ZNF680: variants seen among roughly 807,000 people sequenced by gnomAD.
ZNF680 encodes the protein zinc finger protein 680.
ZNF680 carries 6 observed loss-of-function variants against 12.1 expected under a neutral mutation model. That is an observed-to-expected ratio of 0.49 (90% CI 0.27 to 0.98). The LOEUF (loss-of-function observed/expected upper bound fraction) is 0.98, where lower values mean the gene tolerates loss of function less well. Among genes scored for constraint, ZNF680 ranks in the 50% least tolerant of loss-of-function variants. The probability of loss-of-function intolerance (pLI) is 0.12; values close to 1 mark genes in which losing one functional copy is unlikely to be tolerated. For synonymous variants in ZNF680, 170 were observed against 199.3 expected (o/e 0.85, Z 1.24); for missense variants, 561 against 616.3 (o/e 0.91, Z 0.95).
intron 3 of ZNF680, among the ~76,000 whole-genome samples, chr7:64,540,708 A>T (rs1001197156): frequency 3.3e-5 from 5 of 152,246 alleles, no homozygotes; most frequent in African/African-American, 1.2e-4. Context: ...ACTGATGTTT[A>T]AAAAGTACAC....
At chr7:64,542,123 T>C (rs775974278) in intron 3 of ZNF680, among the ~76,000 whole-genome samples, 86 of 152,262 alleles carry the variant, frequency 5.6e-4, no homozygotes, top group Non-Finnish European at 9.9e-4. Context: ...CAAGCCCCTG[T>C]TAAGCCAACT....
chr7:64,537,855 G>A (rs1786258050), intron 3 of ZNF680, among the ~76,000 whole-genome samples: 1 of 151,942 alleles, frequency 6.6e-6, no homozygotes, highest in Non-Finnish European at 1.5e-5. Context: ...ACGTGAACCC[G>A]GGAGGCAGAG....
At chr7:64,508,123 G>GTATATATATA in the ZNF680 span, among the ~76,000 whole-genome samples, 1,048 of 117,626 alleles carry the variant, frequency 8.9e-3, 43 homozygotes, top group South Asian at 0.046. Context: ...ATTTTAAAAT[G>GTATATATATA]TATATATATA....
intron 3 of ZNF680, among the ~76,000 whole-genome samples, chr7:64,542,531 T>A (rs2116484019): frequency 6.6e-6 from 1 of 152,212 alleles, no homozygotes; most frequent in African/African-American, 2.4e-5. Context: ...TAGCAAAATA[T>A]AAAATTAACA....
chr7:64,531,428 T>TA (rs1356753037), intron 3 of ZNF680, among the ~76,000 whole-genome samples: 16 of 151,944 alleles, frequency 1.1e-4, no homozygotes, highest in African/African-American at 3.9e-4. Flanking sequence ...ACCCCGTCCC[T>TA]ACTAAAAAAT....
At chr7:64,544,853 T>C (rs1359862496) in intron 1 of ZNF680, among the ~76,000 whole-genome samples, 1 of 152,184 alleles carries the variant, frequency 6.6e-6, no homozygotes, top group Admixed American at 6.5e-5. Context: ...ATGCGGATTG[T>C]TTTTAGAAAA....
chr7:64,538,933 C>G (rs1786326784), intron 3 of ZNF680, among the ~76,000 whole-genome samples: 1 of 151,934 alleles, frequency 6.6e-6, no homozygotes, highest in African/African-American at 2.4e-5. Flanking sequence ...CAGTTTGAGA[C>G]CAGCTTTGCC....
chr7:64,503,118 G>T, the ZNF680 span, among the ~76,000 whole-genome samples: 2 of 152,010 alleles, frequency 1.3e-5, no homozygotes, highest in Non-Finnish European at 2.9e-5. Context: ...AAACCACCAG[G>T]TAAAATGAGT....
the ZNF680 span, among the ~76,000 whole-genome samples, chr7:64,507,859 ACACACACACACACACACACAT>A: frequency 2.1e-5 from 3 of 143,382 alleles, no homozygotes. Context: ...ACACACACAC[ACACACACACACACACACACAT>A]TTTTTTATTT....
Position 64,521,550 on chromosome 7 carries a change from C to T in ZNF680, c.1204G>A (p.Gly402Arg). ...NLTEHMRIHT[G>R]EKPYKCEECG... ...TCTTCACATTTGTAGGGTTTCTCTC[C>T]AGTATGAATTCTCATATGTTCAGTA... Residue 402 changes from glycine to arginine, a missense_variant, in exon 4 of 4, where the codon GGA becomes AGA. Transcript: ENST00000309683. 1 of 1,612,988 alleles carries T rather than the reference C, an allele frequency of 6.2e-7. No individual in the cohort carries two copies. Among genetic ancestry groups the T allele is most frequent in the Non-Finnish European group, 8.5e-7 (1 of 1,179,764 alleles).
At chr7:64,545,617 A>G (rs1434660755) in intron 1 of ZNF680, among the ~76,000 whole-genome samples, 1 of 152,232 alleles carries the variant, frequency 6.6e-6, no homozygotes, top group Non-Finnish European at 1.5e-5. Context: ...TTAACCATAA[A>G]GAAACATCAA....
chr7:64,540,084 G>A (rs1037045714), intron 3 of ZNF680, among the ~76,000 whole-genome samples: 2 of 152,094 alleles, frequency 1.3e-5, no homozygotes, highest in African/African-American at 4.8e-5. Context: ...TCACAAACGT[G>A]TTTCTCTCAT....
chr7:64,501,941 TTTTTGC>T, the ZNF680 span, among the ~76,000 whole-genome samples: 1 of 151,966 alleles, frequency 6.6e-6, no homozygotes, highest in African/African-American at 2.4e-5. Context: ...TACCCTGTAG[TTTTTGC>T]TTTTAATTTT....
the ZNF680 span, among the ~76,000 whole-genome samples, chr7:64,503,567 G>A: frequency 6.6e-6 from 1 of 152,072 alleles, no homozygotes; most frequent in Non-Finnish European, 1.5e-5. Context: ...TTTTAGGAGA[G>A]ATGGGGTTTC....
the ZNF680 span, among the ~76,000 whole-genome samples, chr7:64,513,454 C>A: frequency 4.6e-5 from 7 of 151,906 alleles, no homozygotes; most frequent in African/African-American, 1.7e-4. Flanking sequence ...CATTAAAATA[C>A]AAACACAAGG....
intron 1 of ZNF680, among the ~76,000 whole-genome samples, chr7:64,555,301 A>G (rs1302802167): frequency 3.3e-5 from 5 of 151,790 alleles, no homozygotes; most frequent in African/African-American, 4.8e-5. Context: ...AATTACACCA[A>G]CCACACACAC....
At chr7:64,530,791 G>A (rs113619262) in intron 3 of ZNF680, among the ~76,000 whole-genome samples, 3,422 of 151,728 alleles carry the variant, frequency 0.023, 56 homozygotes, top group Admixed American at 0.039. Flanking sequence ...CCAGGAGGCG[G>A]AGGTTGCAGT....
downstream of ZNF680, among the ~76,000 whole-genome samples, chr7:64,516,556 GTCA>G (rs1214562459): frequency 6.6e-6 from 1 of 152,136 alleles, no homozygotes; most frequent in African/African-American, 2.4e-5. Context: ...TACTAGACAG[GTCA>G]TCAAGATAGA....
chr7:64,502,256 C>A, the ZNF680 span, among the ~76,000 whole-genome samples: 1 of 152,062 alleles, frequency 6.6e-6, no homozygotes, highest in African/African-American at 2.4e-5. Context: ...CGTGATCCAC[C>A]CGCCTCGGCC....
Sources: allele counts gnomAD v4.1 joint callset (sites outside exome capture counted in the v4.1 genomes callset), GRCh38; gene constraint gnomAD v4.1.1; transcripts MANE v1.5; gene names NCBI Gene and HGNC (gene_info 2026-07-23, HGNC 2026-07-21).